The following WDFY2 variants were observed in gnomAD, a reference collection of about 807,000 sequenced individuals.
WDFY2 encodes WD repeat and FYVE domain containing 2.
Under a neutral mutation model 56.4 loss-of-function variants are expected in WDFY2, and 36 were observed. The ratio of observed to expected loss-of-function variants is 0.64; its 90% CI spans 0.49 to 0.84. The LOEUF is 0.84. WDFY2 is among the 40% of genes least tolerant of loss of function. The pLI, the probability that WDFY2 is intolerant of heterozygous loss-of-function variation, is 0.00. For missense variants in WDFY2, 444 were observed against 512.2 expected, an observed-to-expected ratio of 0.87 and a Z score of 1.29; for synonymous variants, 176 against 183.7, an observed-to-expected ratio of 0.96 and a Z score of 0.34.
chr13:51,767,507 G>A lies in WDFY2; in HGVS notation c.*7738G>A, dbSNP rs1046666558. 6.6e-6 allele frequency: 1 copy of A among 152,112 alleles called. No individual in the cohort carries two copies. The highest frequency in any genetic ancestry group is 1.5e-5 in the Non-Finnish European group (1 of 68,072). 9.4% of individuals were successfully genotyped at this position (152,112 alleles called of 1,614,324 possible). A position where few individuals can be genotyped will look rare whatever the true frequency, so the allele number is the denominator to read the frequency against. ...GGATGAGTTACGTTTATTCCACCATGGACACCAAGAATGTATGTAGATGTA... is the reference window on the plus strand; with the variant it reads ...GGATGAGTTACGTTTATTCCACCATAGACACCAAGAATGTATGTAGATGTA... On this transcript the variant is annotated 3_prime_UTR_variant, in exon 12 of 12. Transcript: ENST00000298125.
chr13:51,626,467 C>T (rs1421862023), intron 1 of WDFY2, among the ~76,000 whole-genome samples: 2 of 152,172 alleles, frequency 1.3e-5, no homozygotes, highest in Non-Finnish European at 2.9e-5. Context: ...CCTTCCATAG[C>T]ACAAGGCTCA....
rs1953692574 is a variant in WDFY2 at position 51,764,696 on chromosome 13, T to A, written c.*4927T>A. 1 of 152,230 alleles carries A rather than the reference T, an allele frequency of 6.6e-6. No individual in the cohort carries two copies. Among genetic ancestry groups the A allele is most frequent in the African/African-American group, 2.4e-5 (1 of 41,458 alleles). 9.4% of individuals were successfully genotyped at this position (152,230 alleles called of 1,614,324 possible). On this transcript the variant is annotated 3_prime_UTR_variant, in exon 12 of 12. Coordinates refer to ENST00000298125, the MANE Select transcript of WDFY2 (RefSeq NM_052950.4). The stretch of plus-strand genomic sequence containing the variant: ...TATATTATAATAGTATCAGTTTCTT[T>A]TTCTTTGGAAATCCCTAGAACTGTT...
intron 1 of WDFY2, among the ~76,000 whole-genome samples, chr13:51,648,426 C>T (rs1955302804): frequency 6.6e-6 from 1 of 152,146 alleles, no homozygotes; most frequent in Non-Finnish European, 1.5e-5. Context: ...CTTTCACAAA[C>T]AATGAGCACC....
chr13:51,646,102 G>A (rs1324029643), intron 1 of WDFY2, among the ~76,000 whole-genome samples: 1 of 152,092 alleles, frequency 6.6e-6, no homozygotes, highest in Non-Finnish European at 1.5e-5. Context: ...TACTTGGTTT[G>A]CTGCCTACAT....
intron 4 of WDFY2, among the ~76,000 whole-genome samples, chr13:51,709,323 C>G (rs2138599111): frequency 6.6e-6 from 1 of 152,240 alleles, no homozygotes; most frequent in Non-Finnish European, 1.5e-5. Flanking sequence ...AGTATGTTCT[C>G]TGATCAAAAT....
rs930267987 is a variant in WDFY2, at chr13:51,766,067, T to C, written c.*6298T>C. 5.9e-5 allele frequency: 9 copies of C among 152,252 alleles called. No homozygotes were observed. Among genetic ancestry groups the C allele is most frequent in the African/African-American group, 2.2e-4 (9 of 41,464 alleles). The allele number at this position is 152,252 out of a possible 1,614,324, so 9.4% of individuals were successfully genotyped here. A position where few individuals can be genotyped will look rare whatever the true frequency, so the allele number is the denominator to read the frequency against. On this transcript the variant is annotated 3_prime_UTR_variant, in exon 12 of 12. Transcript: ENST00000298125. ...AAATGTTTCACATATACACTTTTTA[T>C]CATTTTAGTGGATGGCAGCCTTACG...
chr13:51,588,215 A>G (rs1267146899), intron 1 of WDFY2: 1 of 152,198 alleles, frequency 6.6e-6, no homozygotes, highest in Non-Finnish European at 1.5e-5. Flanking sequence ...CCATTTTAGC[A>G]TTCCCTGCCT....
chr13:51,656,076 T>C (rs1955504171), intron 1 of WDFY2, among the ~76,000 whole-genome samples: 1 of 150,062 alleles, frequency 6.7e-6, no homozygotes, highest in African/African-American at 2.4e-5. Flanking sequence ...TTTTTCCTGC[T>C]CTAATCTTTG....
At chr13:51,663,140 G>A (rs1717920291) in intron 2 of WDFY2, among the ~76,000 whole-genome samples, 2 of 151,930 alleles carry the variant, frequency 1.3e-5, no homozygotes, top group South Asian at 2.1e-4. Flanking sequence ...CTCTCTCTCT[G>A]TCTCCAAAGA....
At chr13:51,708,564 A>G (rs1478936500) in intron 4 of WDFY2, among the ~76,000 whole-genome samples, 1 of 142,078 alleles carries the variant, frequency 7.0e-6, no homozygotes, top group Non-Finnish European at 1.6e-5. Context: ...AGAATCATAT[A>G]GTAATTCCCA....
At chr13:51,610,669 C>CA (rs1488479907) in intron 1 of WDFY2, among the ~76,000 whole-genome samples, 2 of 152,128 alleles carry the variant, frequency 1.3e-5, no homozygotes, top group African/African-American at 2.4e-5. Flanking sequence ...AGTATAATGC[C>CA]AAATCTACTA....
At chr13:51,713,846 C>CA (rs763208351) in intron 4 of WDFY2, among the ~76,000 whole-genome samples, 10,024 of 54,688 alleles carry the variant, frequency 0.18, 688 homozygotes, top group Admixed American at 0.27. Context: ...GATTCCATCT[C>CA]AAAAAAAAAA....
At chr13:51,691,167 G>A (rs1410228617) in intron 3 of WDFY2, among the ~76,000 whole-genome samples, 1 of 152,092 alleles carries the variant, frequency 6.6e-6, no homozygotes, top group Non-Finnish European at 1.5e-5. Context: ...TCTGATGGTA[G>A]TTTCTTTTGC....
chr13:51,694,855 A>G (rs1951829090), intron 3 of WDFY2, among the ~76,000 whole-genome samples: 1 of 151,864 alleles, frequency 6.6e-6, no homozygotes, highest in South Asian at 2.1e-4. Flanking sequence ...ACATAGTCCC[A>G]TATTTCTTGG....
intron 1 of WDFY2, among the ~76,000 whole-genome samples, chr13:51,600,347 G>A (rs1049257810): frequency 1.3e-5 from 2 of 152,178 alleles, no homozygotes; most frequent in Admixed American, 6.5e-5. Flanking sequence ...GAATCCAAGG[G>A]ATGCATTTGG....
intron 7 of WDFY2, among the ~76,000 whole-genome samples, chr13:51,742,018 A>G (rs552987868): frequency 3.3e-5 from 5 of 152,188 alleles, no homozygotes; most frequent in Admixed American, 6.5e-5. Context: ...GATGGTGGCC[A>G]TAGTTCCAAA....
At chr13:51,687,175 CTT>C (rs1325925184) in intron 3 of WDFY2, among the ~76,000 whole-genome samples, 1 of 150,218 alleles carries the variant, frequency 6.7e-6, no homozygotes, top group African/African-American at 2.4e-5. Context: ...TAATATAACA[CTT>C]AACATTTTTA....
intron 4 of WDFY2, among the ~76,000 whole-genome samples, chr13:51,717,324 T>C (rs777535485): frequency 1.3e-5 from 2 of 152,160 alleles, no homozygotes; most frequent in South Asian, 2.1e-4. Context: ...CTGGTAGTCA[T>C]AGGTAGCCTG....
intron 3 of WDFY2, among the ~76,000 whole-genome samples, chr13:51,692,653 CT>C: frequency 6.6e-6 from 1 of 152,248 alleles, no homozygotes; most frequent in African/African-American, 2.4e-5. Context: ...GTCTAAAATT[CT>C]CTTTTTTGGT....
Sources: gnomAD v4.1 joint callset for allele counts (sites outside exome capture counted in the v4.1 genomes callset) on GRCh38, gnomAD v4.1.1 for gene constraint, MANE v1.5 for transcripts, NCBI Gene and HGNC (gene_info 2026-07-23, HGNC 2026-07-21) for gene names.